The following MAPK8 variants were observed in gnomAD, a reference collection of about 807,000 sequenced individuals.
The protein encoded by MAPK8 is mitogen-activated protein kinase 8.
A neutral mutation model predicts 52.9 loss-of-function variants in MAPK8; 13 were observed. That is an observed-to-expected ratio of 0.25 (90% CI 0.16 to 0.39). The LOEUF (loss-of-function observed/expected upper bound fraction) is 0.39, where lower values mean the gene tolerates loss of function less well. Ranked by LOEUF, MAPK8 falls within the 10% of genes least tolerant of loss-of-function variation. The pLI, the probability that MAPK8 is intolerant of heterozygous loss-of-function variation, is 1.00. For synonymous variants in MAPK8, 191 were observed against 169.8 expected, an observed-to-expected ratio of 1.12 and a Z score of -0.97; for missense variants, 300 against 519.2, an observed-to-expected ratio of 0.58 and a Z score of 4.10.
In MAPK8 at chr10:48,436,319, A is replaced by T. The variant is rs1373790087; in HGVS notation, c.*1290A>T. On this transcript the variant is annotated 3_prime_UTR_variant, in exon 12 of 12. Transcript: ENST00000374189. ...CGCAATGTGGATGTCGAGTAGTGTTAAGAATGGTGCTGCTCCTGACAAGTG... is the reference window on the plus strand; with the variant it reads ...CGCAATGTGGATGTCGAGTAGTGTTTAGAATGGTGCTGCTCCTGACAAGTG... The T allele has an allele frequency of 2.6e-5, 4 of 152,236 alleles. No homozygotes were observed. Among genetic ancestry groups the T allele is most frequent in the Non-Finnish European group, 5.9e-5 (4 of 68,040 alleles). The allele number at this position is 152,236 out of a possible 1,614,324, so 9.4% of individuals were successfully genotyped here.
rs73296794 is a variant in MAPK8, at chr10:48,384,765, T to G, written c.-49-16847T>G. Among the ~76,000 whole-genome samples, 530 of 152,218 alleles carry G rather than the reference T, an allele frequency of 3.5e-3. 4 individuals are homozygous for G. The highest frequency in any genetic ancestry group is 0.012 in the African/African-American group (517 of 41,518). On this transcript the variant is annotated intron_variant, in intron 1 of 11. Transcript: ENST00000374189. ...TCTTGGAATTGGAAGAACATGAGAG[T>G]TTCATAGTTGGCCAGGTGCCAAGTC... is the stretch of plus-strand genomic sequence containing the variant.
In MAPK8 at chr10:48,401,735, A is replaced by G. The variant is rs745964104; in HGVS notation, c.75A>G (p.Arg25=). 14 of 1,578,040 alleles carry G rather than the reference A, an allele frequency of 8.9e-6. No homozygotes were observed. Among genetic ancestry groups the G allele is most frequent in the Admixed American group, 5.8e-5 (3 of 51,768 alleles). Residue 25 remains arginine, a synonymous_variant, in exon 2 of 12, where the codon CGA becomes CGG. Coordinates refer to ENST00000374189, the MANE Select transcript of MAPK8 (RefSeq NM_001323329.2). ...ATTCTACATTCACAGTCCTGAAACG[A>G]TATCAGAATTTAAAACCTATAGGCT... ...IGDSTFTVLK[R]YQNLKPIGSG... is the part of the protein sequence containing the mutation.
chr10:48,369,088 G>A (rs1848321959), intron 1 of MAPK8, among the ~76,000 whole-genome samples: 1 of 152,118 alleles, frequency 6.6e-6, no homozygotes, highest in African/African-American at 2.4e-5. Flanking sequence ...ACAGTTAAGG[G>A]GTATGGTGAG....
intron 1 of MAPK8, among the ~76,000 whole-genome samples, chr10:48,310,200 T>G (rs891142604): frequency 6.6e-6 from 1 of 152,222 alleles, no homozygotes; most frequent in African/African-American, 2.4e-5. Context: ...GGCAAGTGCC[T>G]TAATGTTTTT....
rs1471268679 is a variant in MAPK8 at position 48,385,249 on chromosome 10, G to T, written c.-49-16363G>T. 5.9e-5 allele frequency among the ~76,000 whole-genome samples: 9 copies of T among 151,946 alleles called. No individual in the cohort carries two copies. The East Asian group carries it at 1.7e-3, about 29-fold the overall frequency. On this transcript the variant is annotated intron_variant, in intron 1 of 11. Transcript: ENST00000374189. ...CTCTCTGGGCCTGATAATTTAAAGG[G>T]GCTCGAATTCCATAGAGCAAAAGTT... is the stretch of plus-strand genomic sequence containing the variant.
chr10:48,414,823 C>T (rs961866633), intron 5 of MAPK8, among the ~76,000 whole-genome samples: 9 of 152,036 alleles, frequency 5.9e-5, no homozygotes, highest in Admixed American at 5.9e-4. Context: ...TTCAAGCAAT[C>T]CAGCTGCCTT....
chr10:48,396,545 T>A (rs1276947427), intron 1 of MAPK8, among the ~76,000 whole-genome samples: 1 of 152,188 alleles, frequency 6.6e-6, no homozygotes, highest in Non-Finnish European at 1.5e-5. Context: ...CAGTTTCTTA[T>A]AAAATTAAAC....
chr10:48,427,050 A>T, intron 9 of MAPK8, 30 bp from the exon 10 acceptor site: 1 of 1,567,176 alleles, frequency 6.4e-7, no homozygotes, highest in Non-Finnish European at 8.8e-7. Flanking sequence ...CAGCATACTG[A>T]CTTGGTTATT....
intron 3 of MAPK8, 42 bp from the exon 4 acceptor site, chr10:48,409,837 G>A (rs767102772): frequency 7.6e-7 from 1 of 1,310,072 alleles, no homozygotes; most frequent in Non-Finnish European, 1.1e-6. Flanking sequence ...AAAATATTAT[G>A]AAGTAATTTC....
At chr10:48,368,678 TAGA>T (rs894241414) in intron 1 of MAPK8, among the ~76,000 whole-genome samples, 10 of 152,188 alleles carry the variant, frequency 6.6e-5, no homozygotes, top group Non-Finnish European at 1.2e-4. Context: ...AATTGCATGT[TAGA>T]AGAATTATTT....
At chr10:48,403,873 G>A (rs945556632) in intron 2 of MAPK8, among the ~76,000 whole-genome samples, 75 of 150,086 alleles carry the variant, frequency 5.0e-4, no homozygotes, top group African/African-American at 1.8e-3. Flanking sequence ...CTCAGCCTCC[G>A]GAGTAGCTGG....
At chr10:48,364,130 A>T (rs952064487) in intron 1 of MAPK8, among the ~76,000 whole-genome samples, 2 of 152,108 alleles carry the variant, frequency 1.3e-5, no homozygotes, top group Admixed American at 6.5e-5. Flanking sequence ...TATTTGCTTC[A>T]GTTCTGTAGT....
intron 1 of MAPK8, among the ~76,000 whole-genome samples, chr10:48,370,296 A>G (rs576775672): frequency 2.0e-5 from 3 of 152,336 alleles, no homozygotes; most frequent in South Asian, 2.1e-4. Context: ...TAGATACTGT[A>G]GAAATTAGAC....
intron 1 of MAPK8, among the ~76,000 whole-genome samples, chr10:48,369,102 T>C (rs796550249): frequency 4.6e-5 from 7 of 152,216 alleles, no homozygotes; most frequent in African/African-American, 1.7e-4. Flanking sequence ...TGGTGAGTTG[T>C]GGGCTAGGCA....
At chr10:48,392,800 TTATC>T (rs1483960478) in intron 1 of MAPK8, among the ~76,000 whole-genome samples, 2 of 152,144 alleles carry the variant, frequency 1.3e-5, no homozygotes, top group Non-Finnish European at 2.9e-5. Flanking sequence ...TTACTCCTCT[TTATC>T]TATTTCATCT....
At chr10:48,369,470 T>C (rs1848356624) in intron 1 of MAPK8, among the ~76,000 whole-genome samples, 1 of 149,778 alleles carries the variant, frequency 6.7e-6, no homozygotes, top group Admixed American at 6.6e-5. Context: ...CGTGCAGAGT[T>C]TGAGATAGCC....
In MAPK8 at chr10:48,389,707, G is replaced by T. The variant is rs76428012; in HGVS notation, c.-49-11905G>T. Among the ~76,000 whole-genome samples the T allele has an allele frequency of 6.4e-4, 98 of 152,250 alleles. 1 individual carries two copies. In the East Asian group the frequency reaches 0.017, roughly 27 times the overall value. On this transcript the variant is annotated intron_variant, in intron 1 of 11. Coordinates refer to ENST00000374189, the MANE Select transcript of MAPK8 (RefSeq NM_001323329.2). ...TGCTGTTAGCCAGGTACTACTCAAG[G>T]CACTGGTGATTTATTCATGAACAGA... is the stretch of plus-strand genomic sequence containing the variant.
At chr10:48,381,430 AGT>A (rs74622830) in intron 1 of MAPK8, among the ~76,000 whole-genome samples, 16,050 of 152,166 alleles carry the variant, frequency 0.11, 1,133 homozygotes, top group Admixed American at 0.25. Flanking sequence ...TGCATACAAG[AGT>A]GTTTCCCATG....
chr10:48,424,996 A>C (rs2043588217), intron 7 of MAPK8, among the ~76,000 whole-genome samples: 1 of 151,662 alleles, frequency 6.6e-6, no homozygotes, highest in South Asian at 2.1e-4. Context: ...GTGTCTTTTG[A>C]TTGTTGTCTC....
Sources: gnomAD v4.1 joint callset for allele counts (sites outside exome capture counted in the v4.1 genomes callset) on GRCh38, gnomAD v4.1.1 for gene constraint, MANE v1.5 for transcripts, NCBI Gene and HGNC (gene_info 2026-07-23, HGNC 2026-07-21) for gene names.